Variants in GABBR2 observed in about 807,000 individuals in gnomAD.
GABBR2 encodes the protein gamma-aminobutyric acid type B receptor subunit 2.
GABBR2 carries 23 observed loss-of-function variants against 105.6 expected under a neutral mutation model. That is an observed-to-expected ratio of 0.22 (90% CI 0.16 to 0.31). GABBR2 has a LOEUF of 0.31. Among genes scored for constraint, GABBR2 ranks in the 10% least tolerant of loss-of-function variants. GABBR2 has a pLI of 1.00. For synonymous variants in GABBR2, 478 were observed against 499.7 expected, an observed-to-expected ratio of 0.96 and a Z score of 0.58; for missense variants, 734 against 1,245.5, an observed-to-expected ratio of 0.59 and a Z score of 6.18.
chr9:98,377,510 A>C (rs1831897255), intron 11 of GABBR2, among the ~76,000 whole-genome samples: 1 of 152,196 alleles, frequency 6.6e-6, no homozygotes, highest in Non-Finnish European at 1.5e-5. Flanking sequence ...GCCAGTGTAC[A>C]CAACATAGTA....
Position 98,350,896 on chromosome 9 carries a change from T to C in GABBR2, c.1893+11819A>G, listed in dbSNP as rs186433923. Among the ~76,000 whole-genome samples the C allele has an allele frequency of 2.6e-5, 4 of 152,264 alleles. No homozygotes were observed. The East Asian group carries it at 7.7e-4, about 29-fold the overall frequency. ...TACCTCTTTCTTTAGCTTTAATAATTTTTTTTATATATCTGGGTGCTCTGG... is the reference window on the plus strand; with the variant it reads ...TACCTCTTTCTTTAGCTTTAATAATCTTTTTTATATATCTGGGTGCTCTGG... On this transcript the variant is annotated intron_variant, in intron 13 of 18. Transcript: ENST00000259455.
At position 98,542,126 on chromosome 9, in the gene GABBR2, T is replaced by G. The variant is rs1056239516; in HGVS notation, c.460-83A>C. 1.1e-5 allele frequency: 13 copies of G among 1,165,936 alleles called. 1 individual carries two copies. In the South Asian group the frequency reaches 1.6e-4, roughly 14 times the overall value. The allele number at this position is 1,165,936 out of a possible 1,614,324, so 72.2% of individuals were successfully genotyped here. A position where few individuals can be genotyped will look rare whatever the true frequency, so the allele number is the denominator to read the frequency against. On this transcript the variant is annotated intron_variant, in intron 2 of 18. Transcript: ENST00000259455. The stretch of plus-strand genomic sequence containing the variant: ...GCATCTTTCCTACTGGAATAGAGAC[T>G]GTTAGCTTCAACTTAGAGCATAAAC...
intron 3 of GABBR2, among the ~76,000 whole-genome samples, chr9:98,537,964 G>C (rs1828213936): frequency 6.6e-6 from 1 of 152,118 alleles, no homozygotes; most frequent in African/African-American, 2.4e-5. Flanking sequence ...TCACCCCCAG[G>C]CTGTGTCATT....
intron 13 of GABBR2, among the ~76,000 whole-genome samples, chr9:98,337,881 G>T (rs1831142901): frequency 1.3e-5 from 2 of 152,166 alleles, no homozygotes; most frequent in African/African-American, 4.8e-5. Flanking sequence ...AATTAGCCAG[G>T]CATGGTGGTG....
intron 4 of GABBR2, among the ~76,000 whole-genome samples, chr9:98,490,705 G>T (rs1827159268): frequency 6.6e-6 from 1 of 152,144 alleles, no homozygotes; most frequent in African/African-American, 2.4e-5. Context: ...AGGCCACTTT[G>T]GGGAAGGTGC....
chr9:98,318,704 T>C (rs1830764293), intron 13 of GABBR2, among the ~76,000 whole-genome samples: 1 of 152,164 alleles, frequency 6.6e-6, no homozygotes, highest in South Asian at 2.1e-4. Flanking sequence ...CGGCCAGTGC[T>C]CCTTTGAGGG....
At chr9:98,606,811 T>A (rs944686572) in intron 1 of GABBR2, 8 of 332,268 alleles carry the variant, frequency 2.4e-5, no homozygotes, top group African/African-American at 1.5e-4. Context: ...ACTTTCCTTT[T>A]TTAAAAAAAA....
intron 1 of GABBR2, among the ~76,000 whole-genome samples, chr9:98,661,886 G>T (rs1830269808): frequency 6.6e-6 from 1 of 152,134 alleles, no homozygotes; most frequent in African/African-American, 2.4e-5. Flanking sequence ...ATCCAGTGTG[G>T]GAATACAAAA....
At position 98,675,159 on chromosome 9, in the gene GABBR2, G is replaced by A. The variant is rs554394857; in HGVS notation, c.321+33258C>T. On this transcript the variant is annotated intron_variant, in intron 1 of 18. Coordinates refer to ENST00000259455, the MANE Select transcript of GABBR2 (RefSeq NM_005458.8). ...CCACACCAGGTCAAACACATGGAGA[G>A]TGAACGCAGATATGTTTTCACCTGC... Among the ~76,000 whole-genome samples, 16 of 152,306 alleles carry A rather than the reference G, an allele frequency of 1.1e-4. 1 individual carries two copies. In the South Asian group the frequency reaches 3.1e-3, roughly 30 times the overall value.
intron 11 of GABBR2, among the ~76,000 whole-genome samples, chr9:98,379,443 A>G (rs979344511): frequency 3.3e-5 from 5 of 152,048 alleles, no homozygotes; most frequent in African/African-American, 1.2e-4. Context: ...TAATCTTTGT[A>G]TTTTTAGTAG....
At chr9:98,613,596 A>G (rs918944629) in intron 1 of GABBR2, among the ~76,000 whole-genome samples, 2 of 152,256 alleles carry the variant, frequency 1.3e-5, no homozygotes, top group African/African-American at 4.8e-5. Flanking sequence ...ACAGTTTCTA[A>G]GGAGTCAATA....
intron 1 of GABBR2, among the ~76,000 whole-genome samples, chr9:98,700,063 C>T (rs1830810487): frequency 6.6e-6 from 1 of 152,188 alleles, no homozygotes; most frequent in African/African-American, 2.4e-5. Flanking sequence ...TTCCCTTCCC[C>T]CACATCCTCT....
At chr9:98,356,454 A>G (rs1476403082) in intron 13 of GABBR2, among the ~76,000 whole-genome samples, 2 of 152,236 alleles carry the variant, frequency 1.3e-5, no homozygotes, top group African/African-American at 4.8e-5. Flanking sequence ...AAATTATAAC[A>G]ATGAGATACA....
At chr9:98,664,702 T>C (rs1830311111) in intron 1 of GABBR2, among the ~76,000 whole-genome samples, 1 of 152,104 alleles carries the variant, frequency 6.6e-6, no homozygotes, top group Admixed American at 6.5e-5. Flanking sequence ...GAGAGGCAAG[T>C]ATGCTGGACA....
At chr9:98,382,319 T>C (rs1403870684) in intron 11 of GABBR2, among the ~76,000 whole-genome samples, 1 of 152,064 alleles carries the variant, frequency 6.6e-6, no homozygotes, top group East Asian at 1.9e-4. Context: ...TTGCCCCCAG[T>C]ATCTTTTTTT....
intron 2 of GABBR2, among the ~76,000 whole-genome samples, chr9:98,543,170 C>T (rs1828336293): frequency 1.3e-5 from 2 of 152,032 alleles, no homozygotes; most frequent in Non-Finnish European, 2.9e-5. Flanking sequence ...AACCTAAATG[C>T]CACCCCTTCC....
chr9:98,704,770 T>A (rs1367144233), intron 1 of GABBR2, among the ~76,000 whole-genome samples: 1 of 150,868 alleles, frequency 6.6e-6, no homozygotes, highest in South Asian at 2.1e-4. Context: ...AAAAAAAATA[T>A]CTTTAACTCA....
chr9:98,397,066 G>A (rs976961287), intron 8 of GABBR2, among the ~76,000 whole-genome samples: 1 of 152,204 alleles, frequency 6.6e-6, no homozygotes, highest in African/African-American at 2.4e-5. Context: ...CAGCGACCCA[G>A]TGGGCAACTG....
chr9:98,650,671 G>C (rs547557503), intron 1 of GABBR2, among the ~76,000 whole-genome samples: 22 of 152,280 alleles, frequency 1.4e-4, no homozygotes, highest in Middle Eastern at 3.4e-3. Flanking sequence ...AAGCCAAGAG[G>C]GGGAGGCAAC....
Sources: allele counts gnomAD v4.1 joint callset (sites outside exome capture counted in the v4.1 genomes callset), GRCh38; gene constraint gnomAD v4.1.1; transcripts MANE v1.5; gene names NCBI Gene and HGNC (gene_info 2026-07-23, HGNC 2026-07-21).